Variants in PHLDB2 observed in about 807,000 individuals in gnomAD.
PHLDB2 encodes pleckstrin homology-like domain family B member 2.
In PHLDB2, 71 loss-of-function variants were observed where a neutral mutation model predicts 123.6. The observed-to-expected ratio is 0.57, with a 90% CI of 0.47 to 0.70. PHLDB2 has a LOEUF of 0.70. Among genes scored for constraint, PHLDB2 ranks in the 30% least tolerant of loss-of-function variants. The pLI is 0.00. For synonymous variants in PHLDB2, 547 were observed against 541.6 expected, an observed-to-expected ratio of 1.01 and a Z score of -0.14; for missense variants, 1,446 against 1,519.5, an observed-to-expected ratio of 0.95 and a Z score of 0.80.
intron 1 of PHLDB2, among the ~76,000 whole-genome samples, chr3:111,883,003 T>C (rs957536735): frequency 2.6e-5 from 4 of 152,194 alleles, no homozygotes; most frequent in Non-Finnish European, 5.9e-5. Context: ...TGTTTATATA[T>C]AGACCAGAGA....
chr3:111,871,048 T>A (rs1329992255), intron 1 of PHLDB2, among the ~76,000 whole-genome samples: 2 of 152,226 alleles, frequency 1.3e-5, no homozygotes, highest in Non-Finnish European at 2.9e-5. Context: ...TTTGCTTCTG[T>A]AATCTAAATC....
At chr3:111,965,373 C>T (rs749747699) in intron 13 of PHLDB2, among the ~76,000 whole-genome samples, 12 of 152,162 alleles carry the variant, frequency 7.9e-5, no homozygotes, top group Non-Finnish European at 1.5e-4. Context: ...ATGGGGCTGT[C>T]AGTACTGATT....
At chr3:111,940,122 C>CA (rs1381902050) in intron 7 of PHLDB2, among the ~76,000 whole-genome samples, 1 of 152,128 alleles carries the variant, frequency 6.6e-6, no homozygotes, top group African/African-American at 2.4e-5. Context: ...GAATCATACC[C>CA]AGGGCTCTGT....
At chr3:111,821,239 C>T (rs761294649) in intron 1 of PHLDB2, among the ~76,000 whole-genome samples, 1 of 152,190 alleles carries the variant, frequency 6.6e-6, no homozygotes, top group Non-Finnish European at 1.5e-5. Context: ...AGACCAGGCT[C>T]ATTGTTCTTC....
intron 8 of PHLDB2, among the ~76,000 whole-genome samples, chr3:111,943,422 T>A (rs2070051033): frequency 7.0e-6 from 1 of 142,818 alleles, no homozygotes; most frequent in Non-Finnish European, 1.6e-5. Context: ...TGATAAAGCT[T>A]CCAGAACAAA....
At chr3:111,772,917 A>G (rs1215391656) in intron 1 of PHLDB2, among the ~76,000 whole-genome samples, 1 of 152,132 alleles carries the variant, frequency 6.6e-6, no homozygotes, top group Non-Finnish European at 1.5e-5. Context: ...GATTTTCTTC[A>G]CAGAGACGTG....
Position 111,963,564 on chromosome 3 carries a change from G to A in PHLDB2, c.3077+1252G>A, listed in dbSNP as rs1308580019. 6.6e-5 allele frequency among the ~76,000 whole-genome samples: 10 copies of A among 152,200 alleles called. 1 individual carries two copies. The Middle Eastern group carries it at 0.01, about 155-fold the overall frequency. ...ATGATATTGAAAGAGCAAAAACATT[G>A]TCTGACTCATGTAACTTTCTGGTAG... On this transcript the variant is annotated intron_variant, in intron 13 of 17. Transcript: ENST00000431670.
At chr3:111,841,653 G>C (rs966904813) in intron 1 of PHLDB2, among the ~76,000 whole-genome samples, 1 of 152,206 alleles carries the variant, frequency 6.6e-6, no homozygotes, top group African/African-American at 2.4e-5. Context: ...TGAACATCAG[G>C]AAATCACTCT....
In PHLDB2 at chr3:111,967,658, T is replaced by C. The variant is rs750596143; in HGVS notation, c.3169-20T>C. 6 of 1,590,084 alleles carry C rather than the reference T, an allele frequency of 3.8e-6. No individual in the cohort carries two copies. Among genetic ancestry groups the C allele is most frequent in the Non-Finnish European group, 5.1e-6 (6 of 1,171,852 alleles). On this transcript the variant is annotated intron_variant, in intron 14 of 17. Transcript: ENST00000431670. ...TAACCAGTATGTTTTAAAATAATCATTGTTATGCATAATGTTTAGGAACGG... is the reference window on the plus strand; with the variant it reads ...TAACCAGTATGTTTTAAAATAATCACTGTTATGCATAATGTTTAGGAACGG...
upstream of PHLDB2, among the ~76,000 whole-genome samples, chr3:111,858,691 A>C (rs1244263034): frequency 1.3e-5 from 2 of 152,178 alleles, no homozygotes; most frequent in Non-Finnish European, 2.9e-5. Context: ...CCAGGTGAAG[A>C]AATTGTTGCT....
At chr3:111,845,902 A>G (rs1202448280) in exon 2 of PHLDB2, 2 of 1,614,214 alleles carry the variant, frequency 1.2e-6, no homozygotes, top group Admixed American at 3.3e-5. Flanking sequence ...AGAGGTGCCC[A>G]AGGAAGATGG....
chr3:111,791,728 G>A (rs2060937072), intron 1 of PHLDB2, among the ~76,000 whole-genome samples: 1 of 152,130 alleles, frequency 6.6e-6, no homozygotes, highest in African/African-American at 2.4e-5. Flanking sequence ...TGGGGTACAT[G>A]TGATATTTTG....
At chr3:111,887,347 A>C (rs952892113) in intron 2 of PHLDB2, among the ~76,000 whole-genome samples, 3 of 152,104 alleles carry the variant, frequency 2.0e-5, no homozygotes, top group African/African-American at 7.2e-5. Context: ...AATGAGGCTT[A>C]TTTTTAAATT....
chr3:111,775,708 G>A (rs1007746945), intron 1 of PHLDB2, among the ~76,000 whole-genome samples: 11 of 152,052 alleles, frequency 7.2e-5, no homozygotes, highest in African/African-American at 2.7e-4. Context: ...ATAAAATTTT[G>A]GCTTAAAGTT....
intron 2 of PHLDB2, among the ~76,000 whole-genome samples, chr3:111,906,682 T>C (rs1408204512): frequency 6.6e-6 from 1 of 152,224 alleles, no homozygotes; most frequent in Non-Finnish European, 1.5e-5. Context: ...AGTACAGTTA[T>C]CTATTATTCT....
At chr3:111,938,428 G>C (rs1230989998) in intron 6 of PHLDB2, among the ~76,000 whole-genome samples, 1 of 151,734 alleles carries the variant, frequency 6.6e-6, no homozygotes, top group African/African-American at 2.4e-5. Flanking sequence ...AAAATTATTA[G>C]AGCATGCATT....
At chr3:111,757,100 C>T (rs954322026) in intron 1 of PHLDB2, among the ~76,000 whole-genome samples, 1 of 152,176 alleles carries the variant, frequency 6.6e-6, no homozygotes, top group Non-Finnish European at 1.5e-5. Context: ...TTCATTTCAA[C>T]TTTGGTGAAT....
At position 111,891,675 on chromosome 3, in the gene PHLDB2, C is replaced by G. The variant is rs574531837; in HGVS notation, c.1335+6263C>G. The stretch of plus-strand genomic sequence containing the variant: ...CCCATGTCCATGGAAAAATTGTCTT[C>G]CATGAGACCAATCCTGTTGCCAAAA... On this transcript the variant is annotated intron_variant, in intron 2 of 17. Coordinates refer to ENST00000431670, the MANE Select transcript of PHLDB2 (RefSeq NM_001134438.2). 2.0e-5 allele frequency among the ~76,000 whole-genome samples: 3 copies of G among 152,244 alleles called. No homozygotes were observed. In the South Asian group the frequency reaches 6.2e-4, roughly 32 times the overall value.
chr3:111,877,952 T>C (rs182495831), intron 1 of PHLDB2, among the ~76,000 whole-genome samples: 10 of 152,322 alleles, frequency 6.6e-5, no homozygotes, highest in Admixed American at 1.3e-4. Context: ...TTGGTTACTG[T>C]AGCCTTGTAG....
Sources: allele counts gnomAD v4.1 joint callset (sites outside exome capture counted in the v4.1 genomes callset), GRCh38; gene constraint gnomAD v4.1.1; transcripts MANE v1.5; gene names NCBI Gene and HGNC (gene_info 2026-07-23, HGNC 2026-07-21).